RBM7: variants seen among roughly 807,000 people sequenced by gnomAD.
RBM7 encodes RNA binding motif protein 7, also known as RNA-binding protein 7.
A neutral mutation model predicts 31.0 loss-of-function variants in RBM7; 13 were observed. The observed-to-expected ratio is 0.42, with a 90% CI of 0.27 to 0.67. The LOEUF is 0.67. Ranked by LOEUF, RBM7 falls within the 30% of genes least tolerant of loss-of-function variation. The pLI, the probability that RBM7 is intolerant of heterozygous loss-of-function variation, is 0.24. For synonymous variants in RBM7, 106 were observed against 111.2 expected, an observed-to-expected ratio of 0.95 and a Z score of 0.30; for missense variants, 245 against 326.2, an observed-to-expected ratio of 0.75 and a Z score of 1.92.
intron 1 of RBM7, 84 bp downstream of exon 1, chr11:114,400,851 A>T (rs1396458084): frequency 2.0e-6 from 3 of 1,524,256 alleles, no homozygotes; most frequent in Non-Finnish European, 2.7e-6. Context: ...TTCTTTTCGT[A>T]GCCGTCAGGG....
In RBM7 at chr11:114,402,835, T is replaced by C; in HGVS notation, c.267T>C (p.Ser89=). ...CAAATTGTTTCATTTTAGGAAGTAG[T>C]CATGCCCCACAAGATGTCAGTTTGT... The part of the protein sequence containing the change: ...PIKIQFRSGS[S]HAPQDVSLSY... The change falls in exon 3 of 5, where the codon AGT becomes AGC. Residue 89 remains serine, a synonymous_variant. Coordinates refer to ENST00000375490, the MANE Select transcript of RBM7 (RefSeq NM_001286045.2). 1 of 1,611,930 alleles carries C rather than the reference T, an allele frequency of 6.2e-7. No individual in the cohort carries two copies.
At chr11:114,402,547 G>A (rs1946219484) in intron 2 of RBM7, among the ~76,000 whole-genome samples, 1 of 151,546 alleles carries the variant, frequency 6.6e-6, no homozygotes, top group South Asian at 2.1e-4. Flanking sequence ...GGGATTACAG[G>A]TGCACGCCAC....
At chr11:114,402,144 G>T in intron 2 of RBM7, 1 of 265,186 alleles carries the variant, frequency 3.8e-6, no homozygotes. Flanking sequence ...AAAAGAGCTA[G>T]GTTTATTTTC....
rs765727667 is a variant in RBM7 at position 114,400,784 on chromosome 11, G to C, written c.96+17G>C. ...TTCCACCAGGTAAGCGGCTGGGTTC[G>C]GCCCTTTGCCTTTCGTTTTCCGTCT... is the stretch of plus-strand genomic sequence containing the variant. On this transcript the variant is annotated intron_variant, in intron 1 of 4. Transcript: ENST00000375490. 8 of 1,614,014 alleles carry C rather than the reference G, an allele frequency of 5.0e-6. No homozygotes were observed. Among genetic ancestry groups the C allele is most frequent in the Admixed American group, 3.3e-5 (2 of 60,008 alleles).
chr11:114,405,604 C>A (rs951035473), intron 3 of RBM7, 102 bp from the exon 4 acceptor site: 17 of 660,388 alleles, frequency 2.6e-5, no homozygotes, highest in Non-Finnish European at 4.1e-5. Context: ...AGATACCTTT[C>A]CTGTCTTGTT....
chr11:114,410,373 C>G lies in RBM7; in HGVS notation c.*2566C>G, dbSNP rs534331058. ...TTATACTTAACCTAGTATTTTCTAC[C>G]TTTCCCCATCTAAAATAAAATTTTT... On this transcript the variant is annotated 3_prime_UTR_variant, in exon 5 of 5. Transcript: ENST00000375490. 1 of 152,166 alleles carries G rather than the reference C, an allele frequency of 6.6e-6. No individual in the cohort carries two copies. Among genetic ancestry groups the G allele is most frequent in the East Asian group, 1.9e-4 (1 of 5,176 alleles). The allele number at this position is 152,166 out of a possible 1,614,324, so 9.4% of individuals were successfully genotyped here.
At chr11:114,402,958 C>A in intron 3 of RBM7, 43 bp downstream of exon 3, 1 of 1,468,044 alleles carries the variant, frequency 6.8e-7, no homozygotes. Flanking sequence ...ATCAGGAATT[C>A]TTATAGGGAA....
In RBM7 at chr11:114,402,833, A is replaced by G. The variant is rs760804891; in HGVS notation, c.265A>G (p.Ser89Gly). ...PIKIQFRSGS[S>G]HAPQDVSLSY... ...TTCAAATTGTTTCATTTTAGGAAGT[A>G]GTCATGCCCCACAAGATGTCAGTTT... The change falls in exon 3 of 5, where the codon AGT becomes GGT. Residue 89 changes from serine to glycine, a missense_variant. By Grantham distance (56) the Ser-to-Gly change is moderately conservative. Coordinates refer to ENST00000375490, the MANE Select transcript of RBM7 (RefSeq NM_001286045.2). The G allele has an allele frequency of 2.5e-6, 4 of 1,611,068 alleles. No homozygotes were observed. In the Admixed American group the frequency reaches 6.7e-5, roughly 27 times the overall value.
chr11:114,401,864 A>C lies in RBM7; in HGVS notation c.259+4A>C. The C allele has an allele frequency of 6.3e-7, 1 of 1,587,518 alleles. No homozygotes were observed. The highest frequency in any genetic ancestry group is 8.5e-7 in the Non-Finnish European group (1 of 1,170,798). On this transcript the variant is annotated splice_donor_region_variant and intron_variant, in intron 2 of 4. Coordinates refer to ENST00000375490, the MANE Select transcript of RBM7 (RefSeq NM_001286045.2). ...ATCAAAATTCAATTTAGATCAGGTA[A>C]CTGCCCAATGAGGTTCGGGGGGCAT...
chr11:114,401,981 C>G, intron 2 of RBM7, 121 bp downstream of exon 2: 1 of 988,844 alleles, frequency 1.0e-6, no homozygotes, highest in Non-Finnish European at 1.4e-6. Flanking sequence ...GAATAGTAAA[C>G]TTTATATAGC....
intron 3 of RBM7, 66 bp downstream of exon 3, chr11:114,402,981 A>C: frequency 8.0e-7 from 1 of 1,257,168 alleles, no homozygotes; most frequent in Non-Finnish European, 1.2e-6. Flanking sequence ...GCCTCAAAAC[A>C]CATGAGTAAA....
intron 4 of RBM7, 22 bp downstream of exon 4, chr11:114,405,821 T>G: frequency 6.9e-7 from 1 of 1,457,290 alleles, no homozygotes; most frequent in Non-Finnish European, 9.4e-7. Flanking sequence ...ATTTTTCAAC[T>G]TGAATTGCCA....
chr11:114,405,077 A>G (rs1946249211), intron 3 of RBM7, among the ~76,000 whole-genome samples: 1 of 152,164 alleles, frequency 6.6e-6, no homozygotes, highest in African/African-American at 2.4e-5. Context: ...CCAAGTCTAG[A>G]TTTGATCCTT....
At chr11:114,405,664 ATATT>A (rs767501497) in intron 3 of RBM7, 38 bp from the exon 4 acceptor site, 7 of 1,385,950 alleles carry the variant, frequency 5.1e-6, no homozygotes, top group Admixed American at 2.1e-5. Context: ...TAGTTAGTAA[ATATT>A]TATTGAATGA....
At chr11:114,400,867 G>C in intron 1 of RBM7, 100 bp downstream of exon 1, 1 of 1,367,104 alleles carries the variant, frequency 7.3e-7, no homozygotes, top group East Asian at 2.4e-5. Context: ...CAGGGGACCC[G>C]ACGGGTGGCT....
chr11:114,406,846 A>ATAATCT (rs1369495259), intron 4 of RBM7: 1 of 152,354 alleles, frequency 6.6e-6, no homozygotes, highest in Non-Finnish European at 1.5e-5. Flanking sequence ...CCTGGCCAAG[A>ATAATCT]TGGTGAAACC....
Position 114,408,915 on chromosome 11 carries a change from G to T in RBM7, c.*1108G>T, listed in dbSNP as rs1396303535. 6.6e-6 allele frequency: 1 copy of T among 151,580 alleles called. No individual in the cohort carries two copies. Among genetic ancestry groups the T allele is most frequent in the Non-Finnish European group, 1.5e-5 (1 of 67,898 alleles). The allele number at this position is 151,580 out of a possible 1,614,324, so 9.4% of individuals were successfully genotyped here. Reference sequence around the variant, plus strand: ...AATATACTGAAAATATAAAAGGAAGGGTGTGTGTTATTTTTTTTTTTTTAT... The same window carrying T: ...AATATACTGAAAATATAAAAGGAAGTGTGTGTGTTATTTTTTTTTTTTTAT... On this transcript the variant is annotated 3_prime_UTR_variant, in exon 5 of 5. Coordinates refer to ENST00000375490, the MANE Select transcript of RBM7 (RefSeq NM_001286045.2).
rs767538135 is a variant in RBM7 at position 114,405,701 on chromosome 11, T to C, written c.348-5T>C. 1.5e-5 allele frequency: 23 copies of C among 1,563,510 alleles called. No individual in the cohort carries two copies. Among genetic ancestry groups the C allele is most frequent in the Non-Finnish European group, 2.0e-5 (23 of 1,154,870 alleles). On this transcript the variant is annotated splice_region_variant and splice_polypyrimidine_tract_variant and intron_variant, in intron 3 of 4. Transcript: ENST00000375490. ...TGAATGGTTACATGTTGGTTTTCTTTTTAGCAGGTACGAAAGGACTATGGA... is the reference window on the plus strand; with the variant it reads ...TGAATGGTTACATGTTGGTTTTCTTCTTAGCAGGTACGAAAGGACTATGGA...
chr11:114,405,100 C>T (rs1258575345), intron 3 of RBM7, among the ~76,000 whole-genome samples: 1 of 152,226 alleles, frequency 6.6e-6, no homozygotes, highest in African/African-American at 2.4e-5. Flanking sequence ...TTTCTTCCCT[C>T]ATTCCACATA....
Sources: allele counts gnomAD v4.1 joint callset (sites outside exome capture counted in the v4.1 genomes callset), GRCh38; gene constraint gnomAD v4.1.1; transcripts MANE v1.5; gene names NCBI Gene and HGNC (gene_info 2026-07-23, HGNC 2026-07-21).